The following ZP2 variants were observed in gnomAD, a reference collection of about 807,000 sequenced individuals.
ZP2 encodes the protein zona pellucida sperm-binding protein 2.
Under a neutral mutation model 84.0 loss-of-function variants are expected in ZP2, and 51 were observed. That is an observed-to-expected ratio of 0.61 (90% CI 0.49 to 0.77). The LOEUF (loss-of-function observed/expected upper bound fraction) is 0.77. ZP2 is among the 30% of genes least tolerant of loss of function. The pLI is 0.00. For missense variants in ZP2, 909 were observed against 911.9 expected, an observed-to-expected ratio of 1.00 and a Z score of 0.04; for synonymous variants, 375 against 330.9, an observed-to-expected ratio of 1.13 and a Z score of -1.45.
intron 13 of ZP2, 26 bp downstream of exon 13, chr16:21,201,680 C>T (rs1196553010): frequency 1.2e-6 from 2 of 1,613,844 alleles, no homozygotes; most frequent in Non-Finnish European, 1.7e-6. Context: ...ATCATTTAAG[C>T]AATTTCACAG....
intron 7 of ZP2, 122 bp from the exon 8 acceptor site, chr16:21,204,526 A>G (rs1267927001): frequency 5.3e-6 from 4 of 749,640 alleles, no homozygotes; most frequent in Non-Finnish European, 8.8e-6. Context: ...AGTAGGATTT[A>G]AGCATTTGTC....
intron 3 of ZP2, 79 bp from the exon 4 acceptor site, chr16:21,209,804 C>T (rs1046218345): frequency 3.9e-6 from 5 of 1,274,168 alleles, no homozygotes; most frequent in Non-Finnish European, 5.7e-6. Context: ...TCAAGACCAC[C>T]AGTCCATTTC....
At chr16:21,201,870 A>C (rs756296772) in intron 12 of ZP2, 40 bp from the exon 13 acceptor site, 6 of 1,612,708 alleles carry the variant, frequency 3.7e-6, no homozygotes, top group Middle Eastern at 1.6e-4. Context: ...AGAAAATTTC[A>C]GGTTAAAAAA....
chr16:21,203,959 T>G (rs1360237648), intron 9 of ZP2, 71 bp downstream of exon 9: 1 of 1,563,192 alleles, frequency 6.4e-7, no homozygotes, highest in Non-Finnish European at 8.7e-7. Context: ...ATCAGCCGTA[T>G]GAGGACTACC....
At chr16:21,210,603 GTC>G (rs57083970) in intron 2 of ZP2, among the ~76,000 whole-genome samples, 139 of 152,198 alleles carry the variant, frequency 9.1e-4, no homozygotes, top group African/African-American at 2.9e-3. Flanking sequence ...TTGAGACGGA[GTC>G]TCTCTGTCAC....
chr16:21,205,481 A>G lies in ZP2; in HGVS notation c.632T>C (p.Ile211Thr), dbSNP rs369378515. 1.8e-5 allele frequency: 29 copies of G among 1,613,954 alleles called. No homozygotes were observed. Among genetic ancestry groups the G allele is most frequent in the Non-Finnish European group, 2.2e-5 (26 of 1,180,008 alleles). The change falls in exon 7 of 19, where the codon ATT (isoleucine) becomes ACT (threonine). Residue 211 changes from isoleucine to threonine, a missense_variant. By Grantham distance (89) the Ile-to-Thr change is moderately conservative. Transcript: ENST00000574091. ...EAMKEGFSLL[I>T]DNHRMTFHVP... ...ATGGAAGGTCATCCTGTGGTTGTCA[A>G]TCAAGAGGCTGAAGCCTTCCTTCAT...
rs1027033238 is a variant in ZP2, at chr16:21,204,128, G to T, written c.874C>A (p.Gln292Lys). Residue 292 changes from glutamine to lysine, a missense_variant, in exon 9 of 19, where the codon CAG (glutamine) becomes AAG (lysine). Transcript: ENST00000574091. ...TGCAGCTGGCTCACATCAATGTTCT[G>T]GTTTTCAAAGCTCACAGACTTAAGC... is the stretch of plus-strand genomic sequence containing the variant. ...GKLKSVSFEN[Q>K]NIDVSQLHDN... The T allele has an allele frequency of 8.1e-6, 13 of 1,614,032 alleles. No homozygotes were observed. Among genetic ancestry groups the T allele is most frequent in the East Asian group, 2.2e-5 (1 of 44,904 alleles).
intron 14 of ZP2, among the ~76,000 whole-genome samples, chr16:21,200,378 C>T (rs2093219627): frequency 6.6e-6 from 1 of 152,192 alleles, no homozygotes; most frequent in African/African-American, 2.4e-5. Flanking sequence ...GCGGAGGTTG[C>T]AGTGAGCTGA....
chr16:21,198,794 C>A lies in ZP2; in HGVS notation c.1996G>T (p.Asp666Tyr). 1 of 1,614,026 alleles carries A rather than the reference C, an allele frequency of 6.2e-7. No homozygotes were observed. The highest frequency in any genetic ancestry group is 2.2e-5 in the East Asian group (1 of 44,872). The change falls in exon 17 of 19, where the codon GAC (aspartate) becomes TAC (tyrosine). Residue 666 changes from aspartate (D) to tyrosine (Y), a missense_variant. Coordinates refer to ENST00000574091, the MANE Select transcript of ZP2 (RefSeq NM_001376232.1). ...LPGPILLLSD[D>Y]SSFRGVGSSD... Reference sequence around the variant, plus strand: ...AGGTCCATACCTCTGAATGAGGAGTCATCTGACAACAGGAGAATGGGTCCT... The same window carrying A: ...AGGTCCATACCTCTGAATGAGGAGTAATCTGACAACAGGAGAATGGGTCCT...
chr16:21,202,435 G>C, intron 10 of ZP2, 144 bp from the exon 11 acceptor site: 1 of 667,602 alleles, frequency 1.5e-6, no homozygotes, highest in Non-Finnish European at 2.3e-6. Context: ...AGGGAACCTT[G>C]ATCAGCAGCT....
chr16:21,199,889 T>C lies in ZP2; in HGVS notation c.1695-11A>G. ...AGGTCATATGCACAGCTAGGAGGTA[T>C]GCACCAGGGAGGGATGTCAGTCATA... On this transcript the variant is annotated splice_polypyrimidine_tract_variant and intron_variant, in intron 14 of 18. Coordinates refer to ENST00000574091, the MANE Select transcript of ZP2 (RefSeq NM_001376232.1). The C allele has an allele frequency of 6.2e-7, 1 of 1,612,126 alleles. No individual in the cohort carries two copies. The highest frequency in any genetic ancestry group is 8.5e-7 in the Non-Finnish European group (1 of 1,179,930).
At chr16:21,213,449 TA>T (rs1262399548), upstream of ZP2, among the ~76,000 whole-genome samples, 1 of 152,222 alleles carries the variant, frequency 6.6e-6, no homozygotes, top group Admixed American at 6.5e-5. Context: ...GCATCTGAAA[TA>T]ACATTGGAGA....
At chr16:21,209,446 G>A (rs1716921727) in intron 4 of ZP2, among the ~76,000 whole-genome samples, 185 bp downstream of exon 4, 1 of 152,198 alleles carries the variant, frequency 6.6e-6, no homozygotes, top group Admixed American at 6.5e-5. Context: ...AGAGATTATA[G>A]GCGTGAGCCA....
At chr16:21,209,360 G>T (rs1027784317) in intron 4 of ZP2, among the ~76,000 whole-genome samples, 9 of 152,106 alleles carry the variant, frequency 5.9e-5, no homozygotes, top group Non-Finnish European at 1.0e-4. Context: ...GTAGGGATGG[G>T]GTTTCACCAT....
upstream of ZP2, chr16:21,211,823 G>A: frequency 7.3e-7 from 1 of 1,366,746 alleles, no homozygotes; most frequent in Non-Finnish European, 9.5e-7. Flanking sequence ...CTATAACTAT[G>A]GGGGAAATTA....
At chr16:21,207,459 T>G (rs1038534810) in intron 4 of ZP2, among the ~76,000 whole-genome samples, 2 of 152,088 alleles carry the variant, frequency 1.3e-5, no homozygotes, top group Non-Finnish European at 2.9e-5. Flanking sequence ...CCACATGAAA[T>G]CCATAGCATA....
At chr16:21,209,159 C>T (rs761502687) in intron 4 of ZP2, among the ~76,000 whole-genome samples, 3 of 152,096 alleles carry the variant, frequency 2.0e-5, no homozygotes, top group Non-Finnish European at 2.9e-5. Flanking sequence ...TCAAATGTCC[C>T]CTGGACAGAT....
Position 21,211,458 on chromosome 16 carries a change from C to G in ZP2, c.62+28G>C. ...CTTTAACAAACAAAGCTACCATACC[C>G]CCTCCCTCCACTTCCAGAATTACTC... On this transcript the variant is annotated intron_variant, in intron 1 of 18. Coordinates refer to ENST00000574091, the MANE Select transcript of ZP2 (RefSeq NM_001376232.1). 4 of 1,613,954 alleles carry G rather than the reference C, an allele frequency of 2.5e-6. No individual in the cohort carries two copies. In the South Asian group the frequency reaches 4.4e-5, roughly 18 times the overall value.
In ZP2 at chr16:21,204,404, G is replaced by C; in HGVS notation, c.694C>G (p.Gln232Glu). The C allele has an allele frequency of 6.2e-7, 1 of 1,611,578 alleles. No homozygotes were observed. The highest frequency in any genetic ancestry group is 8.5e-7 in the Non-Finnish European group (1 of 1,178,150). ...FNATGVTHYV[Q>E]GNSHLYMVSL... is the part of the protein sequence containing the mutation. ...ACCATGTAGAGATGACTGTTACCTT[G>C]CTAGGGGGAGAAATAACAGTGATCT... The change falls in exon 8 of 19, where the codon CAA becomes GAA. Residue 232 changes from glutamine to glutamate, a missense_variant and splice_region_variant. Coordinates refer to ENST00000574091, the MANE Select transcript of ZP2 (RefSeq NM_001376232.1).
Sources: gnomAD v4.1 joint callset for allele counts (sites outside exome capture counted in the v4.1 genomes callset) on GRCh38, gnomAD v4.1.1 for gene constraint, MANE v1.5 for transcripts, NCBI Gene and HGNC (gene_info 2026-07-23, HGNC 2026-07-21) for gene names.